Variants in ORC3 observed in about 807,000 individuals in gnomAD.
ORC3 encodes the protein homolog of latheo, Drosophila.
In ORC3, 78 loss-of-function variants were observed where a neutral mutation model predicts 100.7. That is an observed-to-expected ratio of 0.77 (90% confidence interval 0.65 to 0.94). ORC3 has a LOEUF of 0.94. Ranked by LOEUF, ORC3 falls within the 40% of genes least tolerant of loss-of-function variation. The probability of loss-of-function intolerance (pLI) is 0.00; values close to 1 mark genes in which losing one functional copy is unlikely to be tolerated. For synonymous variants in ORC3, 295 were observed against 289.3 expected (o/e 1.02, Z -0.20); for missense variants, 789 against 823.9 (o/e 0.96, Z 0.52).
At chr6:87,603,583 T>C (rs915804947) in intron 4 of ORC3, 55 bp downstream of exon 4, 19 of 1,108,822 alleles carry the variant, frequency 1.7e-5, no homozygotes, top group Non-Finnish European at 2.1e-5. Flanking sequence ...CGTTTTTAAA[T>C]TTTTTTTTAT....
At chr6:87,645,995 C>T (rs7769395) in intron 13 of ORC3, among the ~76,000 whole-genome samples, 80,610 of 133,690 alleles carry the variant, frequency 0.6, 24,132 homozygotes, top group African/African-American at 0.71. Flanking sequence ...TTTTTTTTTT[C>T]TTTTTTTTTG....
chr6:87,620,041 T>C (rs558937001), intron 9 of ORC3, among the ~76,000 whole-genome samples: 1 of 152,310 alleles, frequency 6.6e-6, no homozygotes, highest in South Asian at 2.1e-4. Flanking sequence ...CTTCCCTTCA[T>C]TAGGTGGATA....
chr6:87,667,801 T>A (rs1205418380), downstream of ORC3, among the ~76,000 whole-genome samples: 1 of 152,074 alleles, frequency 6.6e-6, no homozygotes, highest in Non-Finnish European at 1.5e-5. Context: ...TGGTGGCACA[T>A]GCCTGTAGTC....
intron 16 of ORC3, among the ~76,000 whole-genome samples, chr6:87,660,434 A>G (rs1167505044): frequency 1.3e-5 from 2 of 152,188 alleles, no homozygotes; most frequent in Non-Finnish European, 2.9e-5. Flanking sequence ...GACATCTGCC[A>G]AAAGGCCCTC....
chr6:87,636,410 A>G lies in ORC3; in HGVS notation c.1306A>G (p.Arg436Gly). ...CAAATGTGTTGTTCCCTTACAGATCAGAGAGTTGTACTGTACATGTTTAGA... is the reference window on the plus strand; with the variant it reads ...CAAATGTGTTGTTCCCTTACAGATCGGAGAGTTGTACTGTACATGTTTAGA... Reference protein sequence around the residue: ...LPKYPLGRQIRELYCTCLEKN... With the variant: ...LPKYPLGRQIGELYCTCLEKN... Residue 436 changes from arginine (R) to glycine (G), a missense_variant, in exon 13 of 20, where the codon AGA becomes GGA. Arg to Gly is a moderately radical substitution (Grantham distance 125, BLOSUM62 -2). Around this residue, in one of 3 missense-constraint regions of ORC3, gnomAD observed 366 missense variants for 394.2 expected, o/e 0.93. Transcript: ENST00000392844. 1 of 1,599,422 alleles carries G rather than the reference A, an allele frequency of 6.3e-7. No homozygotes were observed. The highest frequency in any genetic ancestry group is 8.6e-7 in the Non-Finnish European group (1 of 1,166,886).
chr6:87,606,029 T>C lies in ORC3; in HGVS notation c.427+8T>C. 1 of 1,295,210 alleles carries C rather than the reference T, an allele frequency of 7.7e-7. No homozygotes were observed. The highest frequency in any genetic ancestry group is 1.2e-5 in the South Asian group (1 of 82,174). 80.2% of individuals were successfully genotyped at this position (1,295,210 alleles called of 1,614,324 possible). On this transcript the variant is annotated splice_region_variant and intron_variant, in intron 5 of 19. Coordinates refer to ENST00000392844, the MANE Select transcript of ORC3 (RefSeq NM_012381.4). ...AAGCTAAAGATTGTCCAGGTAAAAA[T>C]ATAAATGCCATAATAACCTTGATGA...
chr6:87,628,806 T>G (rs1233620780), intron 11 of ORC3, among the ~76,000 whole-genome samples: 1 of 152,306 alleles, frequency 6.6e-6, no homozygotes, highest in East Asian at 1.9e-4. Context: ...CACCTCTTTC[T>G]GTTTCTTTTG....
chr6:87,597,013 C>T (rs1777496568), intron 2 of ORC3, among the ~76,000 whole-genome samples: 1 of 152,084 alleles, frequency 6.6e-6, no homozygotes, highest in African/African-American at 2.4e-5. Context: ...TTATTCAATT[C>T]CAACTTGTGG....
At chr6:87,594,306 G>T (rs763911159) in intron 1 of ORC3, 47 bp from the exon 2 acceptor site, 1 of 1,388,212 alleles carries the variant, frequency 7.2e-7, no homozygotes, top group Non-Finnish European at 1.0e-6. Flanking sequence ...AGATTTCTCT[G>T]CTCCTTGGCT....
chr6:87,674,642 A>ATTT, the ORC3 span, among the ~76,000 whole-genome samples: 1 of 140,862 alleles, frequency 7.1e-6, no homozygotes, highest in African/African-American at 2.6e-5. Flanking sequence ...ATATATATAT[A>ATTT]TTTTTTTTTT....
intron 12 of ORC3, among the ~76,000 whole-genome samples, chr6:87,635,221 C>T (rs1767722324): frequency 6.6e-6 from 1 of 152,192 alleles, no homozygotes; most frequent in Non-Finnish European, 1.5e-5. Context: ...GGCATTTGAA[C>T]TTTCCTTCTT....
chr6:87,636,433 A>G lies in ORC3; in HGVS notation c.1329A>G (p.Leu443=). 6.2e-7 allele frequency: 1 copy of G among 1,611,226 alleles called. No homozygotes were observed. The highest frequency in any genetic ancestry group is 8.5e-7 in the Non-Finnish European group (1 of 1,177,394). ...RQIRELYCTC[L]EKNIWDSEEY... ...TCAGAGAGTTGTACTGTACATGTTT[A>G]GAAAAGAACATATGGGATTCAGAGG... Residue 443 remains leucine, a synonymous_variant, in exon 13 of 20, where the codon TTA becomes TTG. Coordinates refer to ENST00000392844, the MANE Select transcript of ORC3 (RefSeq NM_012381.4).
rs1270206740 is a variant in ORC3, at chr6:87,612,136, C to T, written c.761C>T (p.Thr254Ile). Residue 254 changes from threonine to isoleucine, a missense_variant, in exon 8 of 20, where the codon ACA becomes ATA. By Grantham distance (89) the Thr-to-Ile change is moderately conservative. Around this residue, in one of 3 missense-constraint regions of ORC3, gnomAD observed 399 missense variants for 382.0 expected, o/e 1.04. Transcript: ENST00000392844. ...FPLILIFGIA[T>I]SPIIIHRLLP... ...CTAATACTCATTTTTGGAATAGCCA[C>T]ATCTCCTATTATCATCCACCGATTG... 6.2e-7 allele frequency: 1 copy of T among 1,613,658 alleles called. No homozygotes were observed. Among genetic ancestry groups the T allele is most frequent in the African/African-American group, 1.3e-5 (1 of 75,032 alleles).
chr6:87,602,511 T>C (rs1304963853), intron 3 of ORC3, among the ~76,000 whole-genome samples: 1 of 152,064 alleles, frequency 6.6e-6, no homozygotes, highest in Non-Finnish European at 1.5e-5. Flanking sequence ...GTTTTTGGTT[T>C]AATTGCCTTT....
chr6:87,590,167 C>A lies in ORC3; in HGVS notation c.-2C>A, dbSNP rs2307368. On this transcript the variant is annotated 5_prime_UTR_variant, in exon 1 of 20. Transcript: ENST00000392844. ...TCTGGAATACGCAGAGTCAGTAAGA[C>A]CATGGCTACGTCCTCGATGTCTAAG... is the stretch of plus-strand genomic sequence containing the variant. 3 of 1,613,958 alleles carry A rather than the reference C, an allele frequency of 1.9e-6. No individual in the cohort carries two copies. Among genetic ancestry groups the A allele is most frequent in the Non-Finnish European group, 2.5e-6 (3 of 1,179,892 alleles).
chr6:87,642,758 C>G (rs564872493), intron 13 of ORC3, among the ~76,000 whole-genome samples: 1,941 of 150,300 alleles, frequency 0.013, 50 homozygotes, highest in African/African-American at 0.045. Flanking sequence ...AAAAATTAGC[C>G]GGGTGTGGTG....
intron 15 of ORC3, among the ~76,000 whole-genome samples, chr6:87,657,312 T>C (rs1034452586): frequency 1.3e-5 from 2 of 152,256 alleles, no homozygotes; most frequent in African/African-American, 4.8e-5. Flanking sequence ...TTTTTCTGTT[T>C]GATCAAACTG....
chr6:87,652,133 C>T (rs557567204), intron 13 of ORC3, among the ~76,000 whole-genome samples: 33 of 152,166 alleles, frequency 2.2e-4, no homozygotes, highest in Admixed American at 1.4e-3. Flanking sequence ...CTCCTGACCT[C>T]GTGGTCCACC....
At position 87,601,789 on chromosome 6, in the gene ORC3, T is replaced by G; in HGVS notation, c.85T>G (p.Tyr29Asp). Reference sequence around the variant, plus strand: ...TTATTTCTTTCTGTTTTTAGAGGACTATTTTAACAAAGGGAAAAATGAGCC... The same window carrying G: ...TTATTTCTTTCTGTTTTTAGAGGACGATTTTAACAAAGGGAAAAATGAGCC... ...KRKISLPIED[Y>D]FNKGKNEPED... is the part of the protein sequence containing the mutation. Residue 29 changes from tyrosine to aspartate, a missense_variant, in exon 3 of 20, where the codon TAT becomes GAT. Physicochemically the swap from Tyr to Asp is radical, Grantham distance 160. This residue lies in a region of ORC3 where 399 missense variants were observed against 382.0 expected (regional missense o/e 1.04). Coordinates refer to ENST00000392844, the MANE Select transcript of ORC3 (RefSeq NM_012381.4). The G allele has an allele frequency of 6.3e-7, 1 of 1,581,160 alleles. No homozygotes were observed. The highest frequency in any genetic ancestry group is 8.7e-7 in the Non-Finnish European group (1 of 1,150,438).
Sources: gnomAD v4.1 joint callset for allele counts (sites outside exome capture counted in the v4.1 genomes callset) on GRCh38, gnomAD v4.1.1 for gene constraint, gnomAD v4.1.1 regional missense constraint, MANE v1.5 for transcripts, NCBI Gene and HGNC (gene_info 2026-07-23, HGNC 2026-07-21) for gene names.